PTCSC3: variants seen among roughly 807,000 people sequenced by gnomAD.
PTCSC3 encodes the protein papillary thyroid carcinoma susceptibility candidate 3.
chr14:36,161,855 G>A lies in PTCSC3; in HGVS notation n.231+769C>T, dbSNP rs573786061. On this transcript the variant is annotated intron_variant and non_coding_transcript_variant, in intron 2 of 3. Coordinates refer to ENST00000556013, the Ensembl canonical transcript of PTCSC3. Reference sequence around the variant, plus strand: ...CCTTCCCCCACGTGCCCTGTCCCAGGGTTATGAGCCGCTGATTTGGGCTGC... The same window carrying A: ...CCTTCCCCCACGTGCCCTGTCCCAGAGTTATGAGCCGCTGATTTGGGCTGC... Among the ~76,000 whole-genome samples, 49 of 152,274 alleles carry A rather than the reference G, an allele frequency of 3.2e-4. 1 individual carries two copies. The South Asian group carries it at 9.7e-3, about 30-fold the overall frequency.
At chr14:36,163,925 G>A (rs540129775) in intron 1 of PTCSC3, among the ~76,000 whole-genome samples, 13 of 152,272 alleles carry the variant, frequency 8.5e-5, no homozygotes, top group African/African-American at 9.6e-5. Context: ...ATGCAAATGC[G>A]TTTGTGAATA....
intron 1 of PTCSC3, chr14:36,165,206 T>G (rs1040890405): frequency 6.6e-6 from 1 of 152,128 alleles, no homozygotes. Flanking sequence ...GTGTGAGCAG[T>G]AGATAGAGCA....
At chr14:36,135,664 A>G (rs1431157617), downstream of PTCSC3, among the ~76,000 whole-genome samples, 1 of 152,184 alleles carries the variant, frequency 6.6e-6, no homozygotes, top group Non-Finnish European at 1.5e-5. Context: ...TTGGATAATG[A>G]AGGTGGTGCT....
chr14:36,176,160 A>T (rs1247885210), intron 1 of PTCSC3: 1 of 152,206 alleles, frequency 6.6e-6, no homozygotes, highest in East Asian at 1.9e-4. Flanking sequence ...TCAGAGGCCA[A>T]AACAGTATAC....
At chr14:36,138,846 CG>C (rs1212684180) in intron 3 of PTCSC3, among the ~76,000 whole-genome samples, 1 of 152,082 alleles carries the variant, frequency 6.6e-6, no homozygotes, top group African/African-American at 2.4e-5. Context: ...TGGCCGGGCG[CG>C]GGTGGCTCGC....
chr14:36,136,206 A>G (rs972820221), exon 4 of PTCSC3: 5 of 152,122 alleles, frequency 3.3e-5, no homozygotes, highest in African/African-American at 1.2e-4. Flanking sequence ...GGCTGGGTCT[A>G]CCTTTCCCAG....
intron 2 of PTCSC3, among the ~76,000 whole-genome samples, chr14:36,159,362 CTGCTTTCTCTTG>C (rs1881902567): frequency 6.6e-6 from 1 of 152,094 alleles, no homozygotes. Context: ...TAGATCTTTC[CTGCTTTCTCTTG>C]TGGGCATTTA....
At chr14:36,169,806 A>T (rs967201803) in intron 1 of PTCSC3, among the ~76,000 whole-genome samples, 2 of 152,184 alleles carry the variant, frequency 1.3e-5, no homozygotes, top group African/African-American at 4.8e-5. Context: ...TTTCTTACAC[A>T]TATTGACCTC....
chr14:36,172,392 A>C (rs1411085914), intron 1 of PTCSC3, among the ~76,000 whole-genome samples: 1 of 152,124 alleles, frequency 6.6e-6, no homozygotes, highest in African/African-American at 2.4e-5. Flanking sequence ...TTTTCTAATG[A>C]TCTTTGATTA....
At chr14:36,164,835 T>TTAA (rs1348773528) in intron 1 of PTCSC3, among the ~76,000 whole-genome samples, 2 of 152,212 alleles carry the variant, frequency 1.3e-5, no homozygotes, top group African/African-American at 4.8e-5. Flanking sequence ...GATATCTTTA[T>TTAA]TAATATGTCT....
rs984482959 is a variant in PTCSC3, at chr14:36,148,264, C to T, written n.322+5540G>A. 3.3e-5 allele frequency among the ~76,000 whole-genome samples: 5 copies of T among 152,274 alleles called. No homozygotes were observed. In the East Asian group the frequency reaches 5.8e-4, roughly 18 times the overall value. ...ATGGCGGGCTCCCCTCCCCCAGCCT[C>T]GCTGCCGCCTTGCAGTTTGATCTCA... On this transcript the variant is annotated intron_variant and non_coding_transcript_variant, in intron 3 of 3. Coordinates refer to ENST00000556013, the Ensembl canonical transcript of PTCSC3.
intron 3 of PTCSC3, among the ~76,000 whole-genome samples, chr14:36,150,238 T>C (rs1485145346): frequency 6.6e-6 from 1 of 152,070 alleles, no homozygotes. Flanking sequence ...TATTAGGAGG[T>C]GGGACTTTTG....
chr14:36,136,780 A>G (rs1231357146), intron 3 of PTCSC3, among the ~76,000 whole-genome samples: 2 of 152,234 alleles, frequency 1.3e-5, no homozygotes, highest in Non-Finnish European at 2.9e-5. Flanking sequence ...GGCTTACAGA[A>G]GAGATACAAA....
chr14:36,161,113 A>G (rs977819918), intron 2 of PTCSC3, among the ~76,000 whole-genome samples: 1 of 152,092 alleles, frequency 6.6e-6, no homozygotes, highest in African/African-American at 2.4e-5. Flanking sequence ...CTAGTTAGCA[A>G]TTAGTCTAAT....
At chr14:36,143,047 C>T (rs1410145575) in intron 3 of PTCSC3, among the ~76,000 whole-genome samples, 9 of 151,792 alleles carry the variant, frequency 5.9e-5, no homozygotes, top group Admixed American at 5.2e-4. Flanking sequence ...TTTCTTAATC[C>T]AGTCTATCAT....
intron 3 of PTCSC3, among the ~76,000 whole-genome samples, chr14:36,146,385 C>G (rs1038176318): frequency 6.6e-6 from 1 of 150,686 alleles, no homozygotes; most frequent in Non-Finnish European, 1.5e-5. Context: ...GTTAGCTCTT[C>G]TTGTTGAATT....
At chr14:36,141,349 A>AT (rs1305609528) in intron 3 of PTCSC3, among the ~76,000 whole-genome samples, 5 of 151,672 alleles carry the variant, frequency 3.3e-5, no homozygotes, top group South Asian at 2.1e-4. Flanking sequence ...GACAATATTG[A>AT]TTTTTTTTAA....
At chr14:36,147,402 T>A (rs1012773487) in intron 3 of PTCSC3, among the ~76,000 whole-genome samples, 4 of 152,204 alleles carry the variant, frequency 2.6e-5, no homozygotes, top group African/African-American at 7.2e-5. Flanking sequence ...TCTCCCTTCA[T>A]TTCATTCATT....
intron 3 of PTCSC3, among the ~76,000 whole-genome samples, chr14:36,147,954 T>G (rs7152952): frequency 9.1e-4 from 138 of 152,006 alleles, no homozygotes; most frequent in Admixed American, 2.7e-3. Flanking sequence ...GCTCGGGGGG[T>G]GCCTCCCAGT....
Sources: gnomAD v4.1 joint callset for allele counts (sites outside exome capture counted in the v4.1 genomes callset) on GRCh38, gnomAD v4.1.1 for gene constraint, MANE v1.5 for transcripts, NCBI Gene and HGNC (gene_info 2026-07-23, HGNC 2026-07-21) for gene names.